MAML2: variants seen among roughly 807,000 people sequenced by gnomAD.
MAML2 encodes mastermind like transcriptional coactivator 2, also known as mastermind-like protein 2.
MAML2 carries 22 observed loss-of-function variants against 96.1 expected under a neutral mutation model. The observed-to-expected ratio is 0.23, with a 90% CI of 0.16 to 0.33. The LOEUF is 0.33. MAML2 is among the 10% of genes least tolerant of loss of function. The probability of loss-of-function intolerance (pLI) is 1.00; values close to 1 mark genes in which losing one functional copy is unlikely to be tolerated. For synonymous variants in MAML2, 561 were observed against 521.3 expected, an observed-to-expected ratio of 1.08 and a Z score of -1.04; for missense variants, 1,367 against 1,392.4, an observed-to-expected ratio of 0.98 and a Z score of 0.29.
chr11:96,071,316 T>G (rs912501263), intron 2 of MAML2, among the ~76,000 whole-genome samples: 2 of 152,278 alleles, frequency 1.3e-5, no homozygotes, highest in African/African-American at 4.8e-5. Context: ...GGAACCGTCC[T>G]GAACCAGCCA....
chr11:96,294,151 C>T (rs987287012), intron 1 of MAML2, among the ~76,000 whole-genome samples: 1 of 151,992 alleles, frequency 6.6e-6, no homozygotes, highest in Non-Finnish European at 1.5e-5. Context: ...CAGTTCTGTC[C>T]CCTAAAAAAT....
intron 1 of MAML2, among the ~76,000 whole-genome samples, chr11:96,284,353 A>T (rs1374424458): frequency 1.3e-5 from 2 of 152,160 alleles, no homozygotes; most frequent in Admixed American, 1.3e-4. Flanking sequence ...TTATCTCCTA[A>T]TATCTCTAAC....
intron 2 of MAML2, among the ~76,000 whole-genome samples, chr11:96,002,449 G>A (rs11021372): frequency 0.24 from 35,873 of 151,958 alleles, 4,537 homozygotes; most frequent in East Asian, 0.38. Context: ...AAGGACCTTT[G>A]GCAAATAGAA....
chr11:96,033,559 G>T (rs567991208), intron 2 of MAML2, among the ~76,000 whole-genome samples: 1 of 152,182 alleles, frequency 6.6e-6, no homozygotes, highest in African/African-American at 2.4e-5. Context: ...TAGACTTGAC[G>T]CACTGTAAAT....
intron 1 of MAML2, among the ~76,000 whole-genome samples, chr11:96,270,690 G>A (rs936661782): frequency 3.3e-5 from 5 of 152,092 alleles, no homozygotes; most frequent in African/African-American, 9.7e-5. Flanking sequence ...ACACAACAGC[G>A]AGAATGATCC....
intron 1 of MAML2, among the ~76,000 whole-genome samples, chr11:96,272,493 T>C: frequency 6.6e-6 from 1 of 152,142 alleles, no homozygotes; most frequent in East Asian, 1.9e-4. Flanking sequence ...AAACAGGACA[T>C]ATTATGAGTG....
intron 1 of MAML2, among the ~76,000 whole-genome samples, chr11:96,150,621 C>T (rs6483482): frequency 0.093 from 14,178 of 152,240 alleles, 701 homozygotes; most frequent in South Asian, 0.11. Flanking sequence ...AAAGCACCCA[C>T]ACCCACAGCT....
chr11:96,133,521 A>G (rs187540958), intron 1 of MAML2, among the ~76,000 whole-genome samples: 2 of 152,310 alleles, frequency 1.3e-5, no homozygotes, highest in Admixed American at 1.3e-4. Context: ...CTGTGTGAAC[A>G]TTCAGCCTTC....
chr11:96,038,513 T>G (rs1196321463), intron 2 of MAML2, among the ~76,000 whole-genome samples: 1 of 152,248 alleles, frequency 6.6e-6, no homozygotes, highest in Non-Finnish European at 1.5e-5. Flanking sequence ...GCTTAGAACT[T>G]TCTCATCCAA....
intron 1 of MAML2, among the ~76,000 whole-genome samples, chr11:96,232,177 T>G (rs1191050098): frequency 1.3e-5 from 2 of 152,208 alleles, no homozygotes; most frequent in African/African-American, 4.8e-5. Context: ...GTACTTGTGG[T>G]CTTCCCTAAG....
In MAML2 at chr11:96,292,933, GA is replaced by G. The variant is rs964070500; in HGVS notation, c.513+48449del. On this transcript the variant is annotated intron_variant, in intron 1 of 4. Transcript: ENST00000524717. Reference sequence around the variant, plus strand: ...GGCATATGTAGGTCAATTCAAGTTAGAAAAAAAAAAAAGATCTGATGTATGG... The same window carrying G: ...GGCATATGTAGGTCAATTCAAGTTAGAAAAAAAAAAAGATCTGATGTATGG... Among the ~76,000 whole-genome samples, 91 of 142,380 alleles carry G rather than the reference GA, an allele frequency of 6.4e-4. 1 individual carries two copies. Among genetic ancestry groups the G allele is most frequent in the East Asian group, 3.9e-3 (19 of 4,916 alleles). 93.4% of individuals were successfully genotyped at this position (142,380 alleles called of 152,430 possible). A position where few individuals can be genotyped will look rare whatever the true frequency, so the allele number is the denominator to read the frequency against.
chr11:95,994,089 A>G (rs1363974043), intron 2 of MAML2, among the ~76,000 whole-genome samples: 1 of 152,188 alleles, frequency 6.6e-6, no homozygotes, highest in African/African-American at 2.4e-5. Flanking sequence ...AAGCATTGAG[A>G]AGAAAGATTT....
At chr11:96,043,174 A>AG (rs1402041956) in intron 2 of MAML2, among the ~76,000 whole-genome samples, 1 of 152,238 alleles carries the variant, frequency 6.6e-6, no homozygotes, top group Non-Finnish European at 1.5e-5. Context: ...AACGGAAGGA[A>AG]GGACCAACAG....
intron 1 of MAML2, among the ~76,000 whole-genome samples, chr11:96,263,242 T>A (rs955455454): frequency 4.6e-5 from 7 of 152,232 alleles, no homozygotes; most frequent in Admixed American, 6.5e-5. Context: ...CCAATTCAGG[T>A]ATGTTTTGAA....
intron 1 of MAML2, among the ~76,000 whole-genome samples, chr11:96,156,118 C>T (rs915421919): frequency 6.6e-6 from 1 of 152,162 alleles, no homozygotes; most frequent in African/African-American, 2.4e-5. Context: ...CATGCTTCGC[C>T]TCCGTAACCC....
At chr11:96,153,793 C>A (rs759662697) in intron 1 of MAML2, among the ~76,000 whole-genome samples, 27 of 152,114 alleles carry the variant, frequency 1.8e-4, no homozygotes, top group Non-Finnish European at 3.4e-4. Context: ...CACCTGCAAT[C>A]CTAGCTAATC....
intron 1 of MAML2, among the ~76,000 whole-genome samples, chr11:96,117,459 C>A (rs969498689): frequency 1.3e-5 from 2 of 151,876 alleles, no homozygotes; most frequent in Non-Finnish European, 2.9e-5. Context: ...CCACACCCAG[C>A]TGATTTTTTT....
intron 1 of MAML2, among the ~76,000 whole-genome samples, chr11:96,328,675 A>C (rs1038887109): frequency 1.3e-5 from 2 of 152,162 alleles, no homozygotes; most frequent in Non-Finnish European, 2.9e-5. Context: ...ATCGTTTGGG[A>C]AAATTTTTCT....
intron 2 of MAML2, among the ~76,000 whole-genome samples, chr11:96,083,448 A>G (rs1565208762): frequency 6.6e-6 from 1 of 152,168 alleles, no homozygotes. Context: ...GCCTCTTCAG[A>G]ATCACATCTC....
Sources: allele counts gnomAD v4.1 joint callset (sites outside exome capture counted in the v4.1 genomes callset), GRCh38; gene constraint gnomAD v4.1.1; transcripts MANE v1.5; gene names NCBI Gene and HGNC (gene_info 2026-07-23, HGNC 2026-07-21).